CSMD1: variants seen among roughly 807,000 people sequenced by gnomAD.
CSMD1 encodes CUB and sushi domain-containing protein 1.
A neutral mutation model predicts 417.5 loss-of-function variants in CSMD1; 213 were observed. That is an observed-to-expected ratio of 0.51 (90% CI 0.46 to 0.57). The LOEUF (loss-of-function observed/expected upper bound fraction) is 0.57. Ranked by LOEUF, CSMD1 falls within the 20% of genes least tolerant of loss-of-function variation. CSMD1 has a pLI of 0.00. For synonymous variants in CSMD1, 2,862 were observed against 1,736.8 expected (o/e 1.65, Z -16.11); for missense variants, 6,923 against 4,529.7 (o/e 1.53, Z -15.17).
At chr8:3,422,857 A>G (rs1813584568) in intron 12 of CSMD1, among the ~76,000 whole-genome samples, 1 of 152,174 alleles carries the variant, frequency 6.6e-6, no homozygotes, top group African/African-American at 2.4e-5. Context: ...CTCTGCTTCG[A>G]AAACAGTGCC....
chr8:4,528,322 T>C (rs1585206355), intron 2 of CSMD1, among the ~76,000 whole-genome samples: 1 of 152,152 alleles, frequency 6.6e-6, no homozygotes, highest in Non-Finnish European at 1.5e-5. Context: ...AAAAGTTATT[T>C]TATAGGAATA....
At chr8:2,944,222 G>C (rs1167182537) in intron 68 of CSMD1, among the ~76,000 whole-genome samples, 1 of 152,182 alleles carries the variant, frequency 6.6e-6, no homozygotes, top group Non-Finnish European at 1.5e-5. Flanking sequence ...AGCCAATTGG[G>C]TGTTCCCACC....
At chr8:4,074,386 A>T (rs973380550) in intron 3 of CSMD1, among the ~76,000 whole-genome samples, 1 of 152,130 alleles carries the variant, frequency 6.6e-6, no homozygotes, top group Non-Finnish European at 1.5e-5. Context: ...AGTATTTTCA[A>T]TGTCTATCTC....
At chr8:4,050,926 A>G (rs1334793206) in intron 3 of CSMD1, among the ~76,000 whole-genome samples, 6 of 152,104 alleles carry the variant, frequency 3.9e-5, no homozygotes, top group Non-Finnish European at 8.8e-5. Flanking sequence ...GAAGTGACCT[A>G]TATTCCCATC....
chr8:3,851,037 A>G (rs1275997359), intron 5 of CSMD1, among the ~76,000 whole-genome samples: 1 of 152,252 alleles, frequency 6.6e-6, no homozygotes, highest in African/African-American at 2.4e-5. Context: ...ATGCTCACAT[A>G]ACAATTTGTA....
chr8:4,291,851 C>G (rs186231777), intron 3 of CSMD1, among the ~76,000 whole-genome samples: 2 of 152,142 alleles, frequency 1.3e-5, no homozygotes, highest in African/African-American at 4.8e-5. Flanking sequence ...AAATAATTAA[C>G]TCATGTGAAA....
chr8:3,822,208 T>G (rs1158273229), intron 5 of CSMD1, among the ~76,000 whole-genome samples: 1 of 152,162 alleles, frequency 6.6e-6, no homozygotes, highest in East Asian at 1.9e-4. Flanking sequence ...ATTCCTTGAC[T>G]AGACACTCTG....
At chr8:3,256,470 C>T (rs1800664753) in intron 26 of CSMD1, among the ~76,000 whole-genome samples, 2 of 152,300 alleles carry the variant, frequency 1.3e-5, no homozygotes, top group Admixed American at 6.5e-5. Flanking sequence ...TTTATTGATG[C>T]TTCAGATCTA....
chr8:4,133,063 G>A (rs1289537111), intron 3 of CSMD1, among the ~76,000 whole-genome samples: 1 of 152,094 alleles, frequency 6.6e-6, no homozygotes, highest in South Asian at 2.1e-4. Flanking sequence ...AGCCTCTTGA[G>A]TAGTTGGGAC....
intron 8 of CSMD1, among the ~76,000 whole-genome samples, chr8:3,598,958 G>C (rs1010456336): frequency 1.3e-5 from 2 of 152,140 alleles, no homozygotes; most frequent in African/African-American, 4.8e-5. Context: ...GAGTGCACCT[G>C]TAATCCCAGC....
chr8:3,930,750 C>G (rs758966255), intron 5 of CSMD1, among the ~76,000 whole-genome samples: 1 of 150,428 alleles, frequency 6.6e-6, no homozygotes, highest in East Asian at 1.9e-4. Flanking sequence ...TGTTCAAGTG[C>G]TACTTCTTTA....
intron 3 of CSMD1, among the ~76,000 whole-genome samples, chr8:4,229,148 T>C (rs960465445): frequency 1.3e-5 from 2 of 152,206 alleles, no homozygotes; most frequent in East Asian, 1.9e-4. Context: ...ACTCCCTTTT[T>C]CTATTTGGGC....
chr8:3,663,773 T>G (rs972884659), intron 7 of CSMD1, among the ~76,000 whole-genome samples: 5 of 152,170 alleles, frequency 3.3e-5, no homozygotes, highest in African/African-American at 7.2e-5. Context: ...ACCTCACATA[T>G]GCTGATTGAT....
intron 3 of CSMD1, among the ~76,000 whole-genome samples, chr8:4,158,300 G>A (rs374109811): frequency 6.6e-6 from 1 of 151,950 alleles, no homozygotes; most frequent in African/African-American, 2.4e-5. Context: ...TACATGTCAA[G>A]CCCTTGGAGG....
rs540764228 is a variant in CSMD1 at position 4,410,164 on chromosome 8, G to A, written c.415+9789C>T. 7.9e-5 allele frequency among the ~76,000 whole-genome samples: 12 copies of A among 152,226 alleles called. No homozygotes were observed. The South Asian group carries it at 2.5e-3, about 32-fold the overall frequency. ...TCTTCTAGGCTAATCTAGGCCAAAT[G>A]GAAGGAGAAATTAAAAGTTTTCTAT... On this transcript the variant is annotated intron_variant, in intron 3 of 69. Transcript: ENST00000635120.
At chr8:4,281,561 G>T (rs1032138277) in intron 3 of CSMD1, among the ~76,000 whole-genome samples, 23 of 152,148 alleles carry the variant, frequency 1.5e-4, no homozygotes, top group Non-Finnish European at 1.5e-5. Context: ...TGTGACAAAT[G>T]AGACTGTTCT....
intron 3 of CSMD1, among the ~76,000 whole-genome samples, chr8:4,103,296 G>T (rs140698063): frequency 6.6e-6 from 1 of 150,882 alleles, no homozygotes; most frequent in Non-Finnish European, 1.5e-5. Flanking sequence ...TATGACGTGT[G>T]TGTGCATATA....
intron 51 of CSMD1, among the ~76,000 whole-genome samples, chr8:3,019,595 C>G (rs1264680748): frequency 6.6e-6 from 1 of 152,150 alleles, no homozygotes; most frequent in African/African-American, 2.4e-5. Flanking sequence ...GGAGGCTTTC[C>G]ACAAACTAAA....
intron 39 of CSMD1, among the ~76,000 whole-genome samples, chr8:3,152,744 G>C (rs1265871401): frequency 6.6e-6 from 1 of 152,206 alleles, no homozygotes; most frequent in African/African-American, 2.4e-5. Context: ...GCTATTTAAA[G>C]TATAACCTCT....
Sources: gnomAD v4.1 joint callset for allele counts (sites outside exome capture counted in the v4.1 genomes callset) on GRCh38, gnomAD v4.1.1 for gene constraint, MANE v1.5 for transcripts, NCBI Gene and HGNC (gene_info 2026-07-23, HGNC 2026-07-21) for gene names.